Variants in B4GALNT3 observed in about 807,000 individuals in gnomAD.
B4GALNT3 encodes the protein beta-1,4-N-acetyl-galactosaminyltransferase 3.
Under a neutral mutation model 120.2 loss-of-function variants are expected in B4GALNT3, and 86 were observed. That is an observed-to-expected ratio of 0.72 (90% CI 0.60 to 0.86). The LOEUF (loss-of-function observed/expected upper bound fraction) is 0.86, where lower values mean the gene tolerates loss of function less well. Among genes scored for constraint, B4GALNT3 ranks in the 40% least tolerant of loss-of-function variants. B4GALNT3 has a pLI of 0.00. For missense variants in B4GALNT3, 1,167 were observed against 1,298.9 expected (o/e 0.90, Z 1.56); for synonymous variants, 518 against 510.4 (o/e 1.01, Z -0.20).
intron 1 of B4GALNT3, among the ~76,000 whole-genome samples, chr12:466,546 T>C (rs144328236): frequency 3.9e-5 from 6 of 152,356 alleles, no homozygotes; most frequent in Admixed American, 6.5e-5. Flanking sequence ...TAGATTTATA[T>C]GTTAACCACT....
intron 1 of B4GALNT3, among the ~76,000 whole-genome samples, chr12:512,521 C>T (rs1301796656): frequency 4.1e-5 from 6 of 145,514 alleles, no homozygotes; most frequent in Non-Finnish European, 7.6e-5. Context: ...CTTCCACCTT[C>T]GACCTTCTTC....
At chr12:542,173 G>A (rs1279872641) in intron 3 of B4GALNT3, among the ~76,000 whole-genome samples, 1 of 152,072 alleles carries the variant, frequency 6.6e-6, no homozygotes, top group Non-Finnish European at 1.5e-5. Context: ...CACATTCCTG[G>A]CATTGACCAG....
intron 1 of B4GALNT3, among the ~76,000 whole-genome samples, chr12:495,627 G>A (rs1946381313): frequency 6.6e-6 from 1 of 152,156 alleles, no homozygotes; most frequent in African/African-American, 2.4e-5. Flanking sequence ...GGGGGTGAAT[G>A]CGGACCAGAC....
chr12:509,224 C>G (rs953687331), intron 1 of B4GALNT3, among the ~76,000 whole-genome samples: 3 of 152,224 alleles, frequency 2.0e-5, no homozygotes, highest in African/African-American at 7.2e-5. Flanking sequence ...TTTGAGAGCT[C>G]AGATCCCGCC....
intron 1 of B4GALNT3, among the ~76,000 whole-genome samples, chr12:511,301 C>CCTTCTTCCACCTTCGAG (rs1565597722): frequency 7.7e-5 from 7 of 90,784 alleles, no homozygotes; most frequent in South Asian, 4.4e-4. Context: ...CGACCTTCCA[C>CCTTCTTCCACCTTCGAG]CTTCCACCTT....
chr12:550,870 C>T lies in B4GALNT3; in HGVS notation c.998-52C>T. On this transcript the variant is annotated intron_variant, in intron 10 of 19. Coordinates refer to ENST00000266383, the MANE Select transcript of B4GALNT3 (RefSeq NM_173593.4). This position sits in a 1 kb window ranked among gnomAD's most constrained non-coding sequence, Gnocchi z 4.1. ...CCTGCTCAGGGCAGAGGACTTCAGC[C>T]CCAGTTTCGTGCTCACCCTCACCCT... 2 of 1,432,688 alleles carry T rather than the reference C, an allele frequency of 1.4e-6. No individual in the cohort carries two copies. The highest frequency in any genetic ancestry group is 9.8e-7 in the Non-Finnish European group (1 of 1,020,380). 88.7% of individuals were successfully genotyped at this position (1,432,688 alleles called of 1,614,324 possible). A position where few individuals can be genotyped will look rare whatever the true frequency, so the allele number is the denominator to read the frequency against.
Position 556,683 on chromosome 12 carries a change from G to A in B4GALNT3, c.2197G>A (p.Gly733Ser). 6.2e-7 allele frequency: 1 copy of A among 1,613,998 alleles called. No individual in the cohort carries two copies. Among genetic ancestry groups the A allele is most frequent in the African/African-American group, 1.3e-5 (1 of 75,058 alleles). ...GCTCTCGGAGTATGTGTCTGCACGA[G>A]GCTGGCAGGGCATCGATCCAGCTGG... ...VRLSEYVSAR[G>S]WQGIDPAGGE... is the part of the protein sequence containing the mutation. The change falls in exon 15 of 20, where the codon GGC becomes AGC. Residue 733 changes from glycine (G) to serine (S), a missense_variant. By Grantham distance (56) the Gly-to-Ser change is moderately conservative. This residue lies in a region of B4GALNT3 where 983 missense variants were observed against 1,102.5 expected (regional missense o/e 0.89). Coordinates refer to ENST00000266383, the MANE Select transcript of B4GALNT3 (RefSeq NM_173593.4).
At chr12:521,771 T>G (rs1435397302) in intron 1 of B4GALNT3, among the ~76,000 whole-genome samples, 1 of 152,182 alleles carries the variant, frequency 6.6e-6, no homozygotes, top group African/African-American at 2.4e-5. Context: ...TCTAAGTTCC[T>G]GTACCGGCCT....
rs541748605 is a variant in B4GALNT3, at chr12:469,290, C to T, written c.169+8745C>T. On this transcript the variant is annotated intron_variant, in intron 1 of 19. Transcript: ENST00000266383. Reference sequence around the variant, plus strand: ...GGTAGTGGAGCTATAATGCTGTTCCCGTAGAACTTTCCTTATGACTAAATG... The same window carrying T: ...GGTAGTGGAGCTATAATGCTGTTCCTGTAGAACTTTCCTTATGACTAAATG... Among the ~76,000 whole-genome samples the T allele has an allele frequency of 7.3e-4, 111 of 152,188 alleles. 1 individual carries two copies. Among genetic ancestry groups the T allele is most frequent in the Middle Eastern group, 3.4e-3 (1 of 294 alleles).
At chr12:536,473 T>C (rs1280593404) in intron 3 of B4GALNT3, among the ~76,000 whole-genome samples, 178 bp downstream of exon 3, 1 of 152,234 alleles carries the variant, frequency 6.6e-6, no homozygotes, top group Non-Finnish European at 1.5e-5. Flanking sequence ...TTTCTACTAG[T>C]GAATTAAAAA....
intron 1 of B4GALNT3, among the ~76,000 whole-genome samples, chr12:522,808 C>G (rs1300836116): frequency 1.3e-5 from 2 of 151,706 alleles, no homozygotes; most frequent in Non-Finnish European, 2.9e-5. Context: ...CATGGTGGCA[C>G]ACGCCTGTGG....
intron 7 of B4GALNT3, 97 bp from the exon 8 acceptor site, chr12:547,927 A>T: frequency 1.0e-6 from 1 of 1,003,458 alleles, no homozygotes; most frequent in Admixed American, 1.9e-5. Context: ...AGGAGAAGGG[A>T]TGAGGGAGTG....
chr12:506,197 G>A (rs149436404), intron 1 of B4GALNT3, among the ~76,000 whole-genome samples: 10 of 152,038 alleles, frequency 6.6e-5, no homozygotes, highest in Non-Finnish European at 1.3e-4. Context: ...CAGGAAAATC[G>A]TTCTTCATTT....
chr12:473,836 G>A (rs535768874), intron 1 of B4GALNT3, among the ~76,000 whole-genome samples: 1 of 152,124 alleles, frequency 6.6e-6, no homozygotes, highest in African/African-American at 2.4e-5. Context: ...GAGGATAATC[G>A]CGTAAACAAA....
At chr12:523,816 A>G (rs1263187710) in intron 1 of B4GALNT3, among the ~76,000 whole-genome samples, 1 of 152,176 alleles carries the variant, frequency 6.6e-6, no homozygotes. Flanking sequence ...TAATCCCAGC[A>G]CTTTGGGAGG....
chr12:525,263 C>T (rs948036849), intron 1 of B4GALNT3, among the ~76,000 whole-genome samples: 3 of 152,120 alleles, frequency 2.0e-5, no homozygotes, highest in African/African-American at 7.2e-5. Context: ...TAAGCACCAC[C>T]ACACCCCACT....
intron 4 of B4GALNT3, 83 bp downstream of exon 4, chr12:544,517 C>CT (rs1946967033): frequency 8.0e-7 from 1 of 1,245,248 alleles, no homozygotes; most frequent in Non-Finnish European, 1.2e-6. Flanking sequence ...TTCCTTACAT[C>CT]TTTTCTGGTC....
At position 562,218 on chromosome 12, in the gene B4GALNT3, G is replaced by C. The variant is rs1195347308; in HGVS notation, c.*767G>C. The C allele has an allele frequency of 2.6e-5, 4 of 152,370 alleles. No individual in the cohort carries two copies. Among genetic ancestry groups the C allele is most frequent in the African/African-American group, 9.6e-5 (4 of 41,466 alleles). 9.4% of individuals were successfully genotyped at this position (152,370 alleles called of 1,614,324 possible). A position where few individuals can be genotyped will look rare whatever the true frequency, so the allele number is the denominator to read the frequency against. On this transcript the variant is annotated 3_prime_UTR_variant, in exon 20 of 20. Coordinates refer to ENST00000266383, the MANE Select transcript of B4GALNT3 (RefSeq NM_173593.4). This position sits in a 1 kb window ranked among gnomAD's most constrained non-coding sequence, Gnocchi z 5.2. The stretch of plus-strand genomic sequence containing the variant: ...TTGCCACTCCCTGGCACTGGACATT[G>C]AGGCCTGCAGAACAGGCAGGGTGAT...
At chr12:487,154 A>G (rs1034246056) in intron 1 of B4GALNT3, among the ~76,000 whole-genome samples, 1 of 152,240 alleles carries the variant, frequency 6.6e-6, no homozygotes, top group African/African-American at 2.4e-5. Flanking sequence ...GCACAGAGAA[A>G]AAAGACAAAA....
Sources: gnomAD v4.1 joint callset for allele counts (sites outside exome capture counted in the v4.1 genomes callset) on GRCh38, gnomAD v4.1.1 for gene constraint, gnomAD v4.1.1 regional missense constraint, Gnocchi (gnomAD v3.1) non-coding constraint, MANE v1.5 for transcripts, NCBI Gene and HGNC (gene_info 2026-07-23, HGNC 2026-07-21) for gene names.